The following SLC35F4 variants were observed in gnomAD, a reference collection of about 807,000 sequenced individuals.
The protein encoded by SLC35F4 is solute carrier family 35 member F4.
In SLC35F4, 24 loss-of-function variants were observed where a neutral mutation model predicts 44.2. The observed-to-expected ratio is 0.54, with a 90% confidence interval of 0.39 to 0.76. SLC35F4 has a LOEUF of 0.76. Among genes scored for constraint, SLC35F4 ranks in the 30% least tolerant of loss-of-function variants. The pLI is 0.00. For synonymous variants in SLC35F4, 238 were observed against 223.6 expected (o/e 1.06, Z -0.57); for missense variants, 562 against 586.1 (o/e 0.96, Z 0.42).
At chr14:57,787,830 T>C (rs2077806404) in intron 1 of SLC35F4, among the ~76,000 whole-genome samples, 1 of 152,128 alleles carries the variant, frequency 6.6e-6, no homozygotes, top group South Asian at 2.1e-4. Flanking sequence ...ACACAGGACC[T>C]ATAAAACAAA....
chr14:57,859,035 T>C (rs942053946), intron 1 of SLC35F4, among the ~76,000 whole-genome samples: 2 of 151,244 alleles, frequency 1.3e-5, no homozygotes, highest in Non-Finnish European at 2.9e-5. Flanking sequence ...GGCCCAGGAG[T>C]TTAAGGCTGC....
At chr14:57,785,359 G>A (rs551383075) in intron 1 of SLC35F4, among the ~76,000 whole-genome samples, 1 of 152,128 alleles carries the variant, frequency 6.6e-6, no homozygotes, top group South Asian at 2.1e-4. Context: ...CGGCACCCCT[G>A]CCTGCTTCCC....
intron 1 of SLC35F4, among the ~76,000 whole-genome samples, chr14:57,862,890 C>T (rs1887800093): frequency 6.6e-6 from 1 of 152,158 alleles, no homozygotes; most frequent in Admixed American, 6.5e-5. Flanking sequence ...AACTTAAGTT[C>T]TTAAAAGGAA....
At chr14:57,923,715 C>T (rs1298701695) in intron 1 of SLC35F4, among the ~76,000 whole-genome samples, 1 of 152,212 alleles carries the variant, frequency 6.6e-6, no homozygotes, top group East Asian at 1.9e-4. Flanking sequence ...TAGAAAGGAT[C>T]TTCCCTCTTT....
intron 1 of SLC35F4, among the ~76,000 whole-genome samples, chr14:57,861,584 T>C (rs754357570): frequency 8.0e-4 from 121 of 152,194 alleles, no homozygotes; most frequent in Non-Finnish European, 1.1e-3. Context: ...TTCTCTCTTA[T>C]ACACATTCTA....
At chr14:57,829,415 TATTAATGAGAAAAAC>T (rs1299936897) in intron 1 of SLC35F4, among the ~76,000 whole-genome samples, 1 of 152,146 alleles carries the variant, frequency 6.6e-6, no homozygotes, top group Non-Finnish European at 1.5e-5. Flanking sequence ...TGTCATACTT[TATTAATGAGAAAAAC>T]ATAGTTTGCT....
rs149004602 is a variant in SLC35F4 at position 57,764,059 on chromosome 14, A to G, written c.103+101664T>C. Among the ~76,000 whole-genome samples, 4 of 152,250 alleles carry G rather than the reference A, an allele frequency of 2.6e-5. No homozygotes were observed. In the East Asian group the frequency reaches 7.7e-4, roughly 29 times the overall value. ...GCCTCCATTTCCTGAGACGCCCAAG[A>G]CACAATTTCTAGCCAAGAGCCAACA... On this transcript the variant is annotated intron_variant, in intron 1 of 7. Coordinates refer to ENST00000556826, the MANE Select transcript of SLC35F4 (RefSeq NM_001306087.2).
intron 1 of SLC35F4, among the ~76,000 whole-genome samples, chr14:57,862,523 C>A (rs1477276803): frequency 6.6e-6 from 1 of 152,204 alleles, no homozygotes; most frequent in Admixed American, 6.5e-5. Flanking sequence ...TCATCTCCAA[C>A]CACTTTCCCA....
chr14:57,799,812 G>T (rs1158797111), intron 1 of SLC35F4, among the ~76,000 whole-genome samples: 1 of 152,162 alleles, frequency 6.6e-6, no homozygotes, highest in African/African-American at 2.4e-5. Flanking sequence ...TTCCCATAGG[G>T]GCTTCAGCCA....
intron 1 of SLC35F4, among the ~76,000 whole-genome samples, chr14:57,617,130 CTTT>C (rs3054446): frequency 2.0e-5 from 2 of 99,240 alleles, no homozygotes; most frequent in East Asian, 2.6e-4. Flanking sequence ...TGTACTTATT[CTTT>C]TTTTTTTTTT....
intron 1 of SLC35F4, among the ~76,000 whole-genome samples, chr14:57,700,683 C>T (rs1266231279): frequency 6.6e-6 from 1 of 151,986 alleles, no homozygotes; most frequent in Non-Finnish European, 1.5e-5. Context: ...GGGTGGATTG[C>T]TTGAGTCCAG....
At chr14:57,630,940 T>G (rs758785370) in intron 1 of SLC35F4, 87 of 688,524 alleles carry the variant, frequency 1.3e-4, no homozygotes, top group Non-Finnish European at 1.5e-4. Flanking sequence ...GATTCTCATT[T>G]TTATGCTTGA....
At chr14:57,899,240 C>T (rs1888948469) in intron 1 of SLC35F4, among the ~76,000 whole-genome samples, 1 of 152,228 alleles carries the variant, frequency 6.6e-6, no homozygotes. Flanking sequence ...CTCATTTAAT[C>T]CACTGAAAAA....
chr14:57,922,531 C>G (rs1054364002), intron 1 of SLC35F4, among the ~76,000 whole-genome samples: 4 of 152,184 alleles, frequency 2.6e-5, no homozygotes, highest in African/African-American at 9.7e-5. Context: ...GTCACACAGT[C>G]TACACAAGAC....
intron 1 of SLC35F4, among the ~76,000 whole-genome samples, chr14:57,626,213 G>C (rs1037064622): frequency 4.1e-5 from 6 of 144,742 alleles, no homozygotes; most frequent in African/African-American, 1.5e-4. Context: ...AGAGAAATAC[G>C]TAATGTAAAT....
At chr14:57,706,786 T>A (rs533254453) in intron 1 of SLC35F4, among the ~76,000 whole-genome samples, 1 of 152,034 alleles carries the variant, frequency 6.6e-6, no homozygotes, top group Admixed American at 6.5e-5. Context: ...TATAGTAGAA[T>A]GAATACAAGA....
At chr14:57,585,254 A>C (rs1190308) in intron 3 of SLC35F4, among the ~76,000 whole-genome samples, 43,010 of 152,006 alleles carry the variant, frequency 0.28, 6,515 homozygotes, top group East Asian at 0.64. Flanking sequence ...TGATTATCTC[A>C]ATAGATGCAG....
chr14:57,656,652 T>A (rs140703486), intron 1 of SLC35F4, among the ~76,000 whole-genome samples: 1 of 152,176 alleles, frequency 6.6e-6, no homozygotes, highest in Non-Finnish European at 1.5e-5. Context: ...GCATCCCCTC[T>A]GTAAAGTGGG....
chr14:57,878,084 T>A (rs765063993), intron 1 of SLC35F4, among the ~76,000 whole-genome samples: 12 of 152,156 alleles, frequency 7.9e-5, no homozygotes, highest in Non-Finnish European at 1.6e-4. Flanking sequence ...ATTGAGCATT[T>A]TTTCATATGC....
Sources: gnomAD v4.1 joint callset for allele counts (sites outside exome capture counted in the v4.1 genomes callset) on GRCh38, gnomAD v4.1.1 for gene constraint, MANE v1.5 for transcripts, NCBI Gene and HGNC (gene_info 2026-07-23, HGNC 2026-07-21) for gene names.